Variants in BNC1 observed in about 807,000 individuals in gnomAD.
BNC1 encodes the protein basonuclin zinc finger protein 1.
A neutral mutation model predicts 66.5 loss-of-function variants in BNC1; 8 were observed. That is an observed-to-expected ratio of 0.12 (90% CI 0.07 to 0.22). The LOEUF is 0.22. BNC1 is among the 10% of genes least tolerant of loss of function. The pLI, the probability that BNC1 is intolerant of heterozygous loss-of-function variation, is 1.00. For synonymous variants in BNC1, 454 were observed against 452.6 expected (o/e 1.00, Z -0.04); for missense variants, 1,069 against 1,241.3 (o/e 0.86, Z 2.09).
chr15:83,263,526 A>C lies in BNC1; in HGVS notation c.1725T>G (p.Asp575Glu). The C allele has an allele frequency of 6.2e-7, 1 of 1,614,228 alleles. No individual in the cohort carries two copies. Among genetic ancestry groups the C allele is most frequent in the South Asian group, 1.1e-5 (1 of 91,090 alleles). ...EDMPLQVVSE[D>E]EQEACSPQSH... ...ACTGAGGACTGCAGGCCTCCTGCTC[A>C]TCTTCACTGACCACCTGTAGGGGCA... The change falls in exon 4 of 5, where the codon GAT becomes GAG. Residue 575 changes from aspartate (D) to glutamate (E), a missense_variant. Around this residue, in one of 7 missense-constraint regions of BNC1, gnomAD observed 657 missense variants for 715.8 expected, o/e 0.92. Coordinates refer to ENST00000345382, the MANE Select transcript of BNC1 (RefSeq NM_001717.4).
rs867951639 is a variant in BNC1, at chr15:83,264,456, C to A, written c.795G>T (p.Met265Ile). Residue 265 changes from methionine to isoleucine, a missense_variant, in exon 4 of 5, where the codon ATG becomes ATT. Met to Ile is a conservative substitution (Grantham distance 10, BLOSUM62 1). Around this residue, in one of 7 missense-constraint regions of BNC1, gnomAD observed 181 missense variants for 181.5 expected, o/e 1.00. Transcript: ENST00000345382. ...GACTTTGGTCATGACCCTGCTCCAACATATATTGTTCGGGCAATGACCCTA... is the reference window on the plus strand; with the variant it reads ...GACTTTGGTCATGACCCTGCTCCAAAATATATTGTTCGGGCAATGACCCTA... ...ALIGSLPEQYMLEQGHDQSQD... is the reference protein window; with the variant it reads ...ALIGSLPEQYILEQGHDQSQD... 4 of 1,614,036 alleles carry A rather than the reference C, an allele frequency of 2.5e-6. No homozygotes were observed. The African/African-American group carries it at 5.3e-5, about 22-fold the overall frequency.
chr15:83,261,239 G>A (rs1032485304), intron 4 of BNC1, among the ~76,000 whole-genome samples: 1 of 152,168 alleles, frequency 6.6e-6, no homozygotes, highest in East Asian at 1.9e-4. Flanking sequence ...AGGGTGCCTT[G>A]GTGGTTTGGT....
intron 1 of BNC1, among the ~76,000 whole-genome samples, chr15:83,280,775 C>T (rs2038369762): frequency 3.3e-5 from 5 of 152,160 alleles, no homozygotes. Context: ...GGTAGGATCA[C>T]ACAAATAATC....
At chr15:83,277,916 G>T (rs1567196166) in intron 1 of BNC1, among the ~76,000 whole-genome samples, 1 of 151,890 alleles carries the variant, frequency 6.6e-6, no homozygotes, top group Non-Finnish European at 1.5e-5. Flanking sequence ...TTCCTTATTA[G>T]AACTGGATTT....
Position 83,264,299 on chromosome 15 carries a change from T to A in BNC1, c.952A>T (p.Thr318Ser). Residue 318 changes from threonine (T) to serine (S), a missense_variant, in exon 4 of 5, where the codon ACC becomes TCC. Physicochemically the swap from Thr to Ser is moderately conservative, Grantham distance 58 (BLOSUM62 1). Around this residue, in one of 7 missense-constraint regions of BNC1, gnomAD observed 82 missense variants for 136.3 expected, o/e 0.60. Transcript: ENST00000345382. ...PDAITKKEDSTHLSDSSSYNI... is the reference protein window; with the variant it reads ...PDAITKKEDSSHLSDSSSYNI... ...TATGAGCTGGAGTCACTTAAATGGG[T>A]GCTGTCTTCTTTTTTAGTAATAGCA... The A allele has an allele frequency of 1.2e-6, 2 of 1,614,096 alleles. No homozygotes were observed. The highest frequency in any genetic ancestry group is 1.7e-6 in the Non-Finnish European group (2 of 1,180,012).
At chr15:83,284,492 C>G in intron 1 of BNC1, 38 bp downstream of exon 1, 1 of 1,189,898 alleles carries the variant, frequency 8.4e-7, no homozygotes, top group Non-Finnish European at 1.1e-6. Context: ...GCTCCGCGCA[C>G]AGAGAATCCC....
At chr15:83,268,321 C>A (rs958037269) in intron 1 of BNC1, 89 bp from the exon 2 acceptor site, 9 of 1,215,400 alleles carry the variant, frequency 7.4e-6, no homozygotes, top group Non-Finnish European at 9.6e-6. Context: ...TTCCTCCATT[C>A]GGCAGCACTT....
At position 83,257,911 on chromosome 15, in the gene BNC1, C is replaced by T; in HGVS notation, c.2516G>A (p.Ser839Asn). 6.2e-7 allele frequency: 1 copy of T among 1,614,206 alleles called. No individual in the cohort carries two copies. Among genetic ancestry groups the T allele is most frequent in the Non-Finnish European group, 8.5e-7 (1 of 1,180,030 alleles). ...AGAGTTGTAGCTCTCCAGGCTGGCA[C>T]TGTGGACTTGCGTTATTGGGTAAAC... The part of the protein sequence containing the change: ...SLVYPITQVH[S>N]ASLESYNSGP... The change falls in exon 5 of 5, where the codon AGT (serine) becomes AAT (asparagine). Residue 839 changes from serine (S) to asparagine (N), a missense_variant. Ser to Asn is a conservative substitution (Grantham distance 46). This residue lies in a region of BNC1 where 657 missense variants were observed against 715.8 expected (regional missense o/e 0.92). Coordinates refer to ENST00000345382, the MANE Select transcript of BNC1 (RefSeq NM_001717.4).
chr15:83,266,691 G>A (rs955713295), intron 3 of BNC1, 145 bp downstream of exon 3: 8 of 713,138 alleles, frequency 1.1e-5, no homozygotes, highest in Non-Finnish European at 1.9e-5. Context: ...ACATGAGGTA[G>A]GGGCTTAGGC....
At chr15:83,275,894 T>TA (rs1422059454) in intron 1 of BNC1, among the ~76,000 whole-genome samples, 1 of 151,800 alleles carries the variant, frequency 6.6e-6, no homozygotes, top group African/African-American at 2.4e-5. Flanking sequence ...TTTTTTTTTT[T>TA]ATGTATGAAA....
rs78143084 is a variant in BNC1, at chr15:83,265,057, C to A, written c.436-242G>T. 6.2e-3 allele frequency among the ~76,000 whole-genome samples: 949 copies of A among 152,230 alleles called. 9 individuals carry two copies. The highest frequency in any genetic ancestry group is 0.021 in the African/African-American group (867 of 41,542). ...TTGGTGCAAAAGAGACAAATAAAAC[C>A]ATATTACTCAAGTGAAGTCAGGGAA... is the stretch of plus-strand genomic sequence containing the variant. On this transcript the variant is annotated intron_variant, in intron 3 of 4. Transcript: ENST00000345382.
chr15:83,281,991 A>C (rs2151440946), intron 1 of BNC1, among the ~76,000 whole-genome samples: 1 of 152,374 alleles, frequency 6.6e-6, no homozygotes, highest in African/African-American at 2.4e-5. Context: ...CAATTACTTC[A>C]TGTTAGTCAA....
At chr15:83,262,342 C>T (rs1027629286) in intron 4 of BNC1, among the ~76,000 whole-genome samples, 3 of 152,134 alleles carry the variant, frequency 2.0e-5, no homozygotes, top group Admixed American at 6.5e-5. Context: ...TGAGCCACCG[C>T]GCCTGGCCAT....
chr15:83,267,409 G>T (rs1372421072), intron 2 of BNC1, among the ~76,000 whole-genome samples: 1 of 152,120 alleles, frequency 6.6e-6, no homozygotes, highest in Admixed American at 6.5e-5. Context: ...GAGTCTGGGG[G>T]TAAAGAATCT....
At chr15:83,270,824 T>G (rs2038262512) in intron 1 of BNC1, among the ~76,000 whole-genome samples, 1 of 152,212 alleles carries the variant, frequency 6.6e-6, no homozygotes, top group African/African-American at 2.4e-5. Flanking sequence ...CACAGAAGTT[T>G]CAAATTTTGA....
chr15:83,275,554 G>A (rs1365158495), intron 1 of BNC1, among the ~76,000 whole-genome samples: 2 of 152,064 alleles, frequency 1.3e-5, no homozygotes, highest in Admixed American at 1.3e-4. Context: ...TGGCATGGAG[G>A]GATAGGGACA....
intron 1 of BNC1, chr15:83,283,209 G>C (rs1203313910): frequency 1.3e-6 from 2 of 1,535,646 alleles, no homozygotes; most frequent in Admixed American, 2.0e-5. Flanking sequence ...TTTCTACACC[G>C]CATTTGTGAA....
Position 83,263,080 on chromosome 15 carries a change from A to G in BNC1, c.2171T>C (p.Ile724Thr), listed in dbSNP as rs369941919. The stretch of plus-strand genomic sequence containing the variant: ...AGCATTTTTAAAGGTCTTCTTGCAG[A>G]TGTCACACTGGAAGCGATTTTCTTC... ...QIEENRFQCD[I>T]CKKTFKNACS... Residue 724 changes from isoleucine (I) to threonine (T), a missense_variant, in exon 4 of 5, where the codon ATC (isoleucine) becomes ACC (threonine). Physicochemically the swap from Ile to Thr is moderately conservative, Grantham distance 89 (BLOSUM62 -1). This residue lies in a region of BNC1 where 657 missense variants were observed against 715.8 expected (regional missense o/e 0.92). Coordinates refer to ENST00000345382, the MANE Select transcript of BNC1 (RefSeq NM_001717.4). 5.6e-6 allele frequency: 9 copies of G among 1,614,106 alleles called. No homozygotes were observed. Among genetic ancestry groups the G allele is most frequent in the Admixed American group, 5.0e-5 (3 of 60,018 alleles).
intron 1 of BNC1, among the ~76,000 whole-genome samples, chr15:83,280,608 T>C (rs2038368329): frequency 1.3e-5 from 2 of 152,188 alleles, no homozygotes. Context: ...TTGCTTCAAA[T>C]TCAGTGTGAA....
Sources: allele counts gnomAD v4.1 joint callset (sites outside exome capture counted in the v4.1 genomes callset), GRCh38; gene constraint gnomAD v4.1.1; regional missense constraint gnomAD v4.1.1; transcripts MANE v1.5; gene names NCBI Gene and HGNC (gene_info 2026-07-23, HGNC 2026-07-21).